Variants in NTRK2 observed in about 807,000 individuals in gnomAD.
The protein encoded by NTRK2 is neurotrophic receptor tyrosine kinase 2, also known as BDNF/NT-3 growth factors receptor.
NTRK2 carries 13 observed loss-of-function variants against 94.5 expected under a neutral mutation model. That is an observed-to-expected ratio of 0.14 (90% CI 0.09 to 0.22). The LOEUF (loss-of-function observed/expected upper bound fraction) is 0.22. NTRK2 is among the 10% of genes least tolerant of loss of function. NTRK2 has a pLI of 1.00. For missense variants in NTRK2, 639 were observed against 1,071.2 expected (o/e 0.60, Z 5.63); for synonymous variants, 372 against 407.4 (o/e 0.91, Z 1.05).
At chr9:84,743,522 T>C (rs1564172109) in intron 10 of NTRK2, among the ~76,000 whole-genome samples, 1 of 152,216 alleles carries the variant, frequency 6.6e-6, no homozygotes, top group African/African-American at 2.4e-5. Flanking sequence ...GCATATGATT[T>C]GTGTGTTGTT....
Position 85,021,474 on chromosome 9 carries a change from C to A in NTRK2, c.*37C>A. On this transcript the variant is annotated 3_prime_UTR_variant, in exon 19 of 19. Coordinates refer to ENST00000277120, the MANE Select transcript of NTRK2 (RefSeq NM_006180.6). ...CCAGACCGATCCTTCCCAACGTACT[C>A]CTCAGACGGGCTGAGAGGATGAACA... 1 of 1,603,536 alleles carries A rather than the reference C, an allele frequency of 6.2e-7. No individual in the cohort carries two copies. Among genetic ancestry groups the A allele is most frequent in the Non-Finnish European group, 8.5e-7 (1 of 1,170,522 alleles).
Position 85,020,274 on chromosome 9 carries a change from G to T in NTRK2, c.2241G>T (p.Thr747=), listed in dbSNP as rs202195780. The change falls in exon 18 of 19, where the codon ACG becomes ACT. Residue 747 remains threonine (T), a synonymous_variant. Transcript: ENST00000277120. The part of the protein sequence containing the change: ...PPESIMYRKF[T]TESDVWSLGV... ...AGAGCATCATGTACAGGAAATTCAC[G>T]ACGGAAAGCGACGTCTGGAGCCTGG... is the stretch of plus-strand genomic sequence containing the variant. The T allele has an allele frequency of 2.7e-5, 43 of 1,613,938 alleles. No individual in the cohort carries two copies. The highest frequency in any genetic ancestry group is 4.4e-5 in the South Asian group (4 of 91,074).
intron 12 of NTRK2, chr9:84,815,516 C>A: frequency 1.0e-6 from 1 of 964,324 alleles, no homozygotes; most frequent in Non-Finnish European, 1.2e-6. Flanking sequence ...TTCTCATGCC[C>A]TGTTTTTTTT....
intron 12 of NTRK2, among the ~76,000 whole-genome samples, chr9:84,777,252 C>G (rs2067137439): frequency 6.6e-6 from 1 of 152,124 alleles, no homozygotes; most frequent in South Asian, 2.1e-4. Context: ...ACAGAACCTC[C>G]TCTTATTCTC....
intron 14 of NTRK2, among the ~76,000 whole-genome samples, chr9:84,922,787 C>A (rs892201900): frequency 6.6e-6 from 1 of 152,202 alleles, no homozygotes; most frequent in African/African-American, 2.4e-5. Context: ...TCCACAGCAC[C>A]AAACACAGTT....
chr9:84,796,884 T>G (rs1003220823), intron 12 of NTRK2, among the ~76,000 whole-genome samples: 1 of 152,168 alleles, frequency 6.6e-6, no homozygotes, highest in Non-Finnish European at 1.5e-5. Context: ...TTCTTTTGGG[T>G]AAGGCTGAAT....
intron 17 of NTRK2, among the ~76,000 whole-genome samples, chr9:84,969,577 A>G (rs1825951546): frequency 6.6e-6 from 1 of 152,270 alleles, no homozygotes; most frequent in Non-Finnish European, 1.5e-5. Flanking sequence ...GTTTTTGTTA[A>G]AACATTAAAT....
At chr9:84,940,594 C>T (rs1407988657) in intron 15 of NTRK2, among the ~76,000 whole-genome samples, 1 of 152,190 alleles carries the variant, frequency 6.6e-6, no homozygotes, top group Non-Finnish European at 1.5e-5. Context: ...ACCTTCCATC[C>T]AGTCATCTGA....
intron 12 of NTRK2, among the ~76,000 whole-genome samples, chr9:84,804,414 T>C (rs1344906947): frequency 6.6e-6 from 1 of 152,314 alleles, no homozygotes; most frequent in East Asian, 1.9e-4. Flanking sequence ...TGTACATTAT[T>C]TACTTTGTAC....
intron 14 of NTRK2, chr9:84,875,402 A>T (rs2076025322): frequency 4.7e-6 from 5 of 1,061,758 alleles, no homozygotes; most frequent in Non-Finnish European, 5.7e-6. Context: ...CGCTGGAAAG[A>T]CTCAGGAAAT....
chr9:84,999,428 T>A (rs1358095440), intron 17 of NTRK2, among the ~76,000 whole-genome samples: 1 of 152,176 alleles, frequency 6.6e-6, no homozygotes, highest in Non-Finnish European at 1.5e-5. Flanking sequence ...ATTGGGCCAT[T>A]AGGGCACAAA....
At chr9:84,706,009 C>T (rs542651262) in intron 4 of NTRK2, among the ~76,000 whole-genome samples, 2 of 152,144 alleles carry the variant, frequency 1.3e-5, no homozygotes, top group African/African-American at 2.4e-5. Context: ...AGGCTGGTCT[C>T]AAACTCCCAA....
At chr9:84,853,791 C>A (rs1030539523) in intron 12 of NTRK2, among the ~76,000 whole-genome samples, 3 of 152,144 alleles carry the variant, frequency 2.0e-5, no homozygotes, top group African/African-American at 7.2e-5. Context: ...TGCATAAGGA[C>A]CTTCTCTGGT....
At chr9:84,861,912 C>A (rs1197621194) in intron 13 of NTRK2, among the ~76,000 whole-genome samples, 1 of 152,124 alleles carries the variant, frequency 6.6e-6, no homozygotes, top group African/African-American at 2.4e-5. Context: ...GGAGGCTGCT[C>A]AATTCCAAAC....
chr9:84,983,355 C>T (rs187667281), intron 17 of NTRK2, among the ~76,000 whole-genome samples: 20 of 152,294 alleles, frequency 1.3e-4, no homozygotes, highest in Non-Finnish European at 2.4e-4. Context: ...ACCTCTTGTT[C>T]TTGGAAATCA....
At chr9:84,700,394 T>C (rs1330318198) in intron 2 of NTRK2, among the ~76,000 whole-genome samples, 1 of 152,168 alleles carries the variant, frequency 6.6e-6, no homozygotes, top group Admixed American at 6.5e-5. Context: ...TTCTTCTATG[T>C]GTGGTGGGAG....
intron 17 of NTRK2, among the ~76,000 whole-genome samples, chr9:85,018,651 A>C (rs554612824): frequency 2.2e-4 from 34 of 152,340 alleles, no homozygotes; most frequent in African/African-American, 7.7e-4. Context: ...GCCAAACCAG[A>C]AATGTGCTGA....
At chr9:84,802,492 T>C (rs2070611563) in intron 12 of NTRK2, among the ~76,000 whole-genome samples, 1 of 152,216 alleles carries the variant, frequency 6.6e-6, no homozygotes, top group South Asian at 2.1e-4. Flanking sequence ...CCCGCTGCTG[T>C]AAGACATTGT....
At chr9:84,864,990 C>T (rs1234115490) in intron 13 of NTRK2, among the ~76,000 whole-genome samples, 3 of 152,022 alleles carry the variant, frequency 2.0e-5, no homozygotes, top group South Asian at 2.1e-4. Context: ...CTGCCTGCCT[C>T]GGCCTCCCAA....
Sources: allele counts gnomAD v4.1 joint callset (sites outside exome capture counted in the v4.1 genomes callset), GRCh38; gene constraint gnomAD v4.1.1; transcripts MANE v1.5; gene names NCBI Gene and HGNC (gene_info 2026-07-23, HGNC 2026-07-21).